Variants in LAMP1 observed in about 807,000 individuals in gnomAD.
LAMP1 encodes the protein lysosome-associated membrane glycoprotein 1.
Under a neutral mutation model 37.5 loss-of-function variants are expected in LAMP1, and 7 were observed. That is an observed-to-expected ratio of 0.19 (90% CI 0.11 to 0.35). LAMP1 has a LOEUF of 0.35. Among genes scored for constraint, LAMP1 ranks in the 10% least tolerant of loss-of-function variants. The pLI is 1.00. For synonymous variants in LAMP1, 236 were observed against 229.1 expected (o/e 1.03, Z -0.27); for missense variants, 537 against 552.8 (o/e 0.97, Z 0.29).
chr13:113,317,194 G>T, intron 4 of LAMP1, among the ~76,000 whole-genome samples: 1 of 152,158 alleles, frequency 6.6e-6, no homozygotes, highest in East Asian at 1.9e-4. Context: ...TGCTGGAGGA[G>T]GTGTGACAGT....
chr13:113,305,733 A>G (rs2042594948), intron 1 of LAMP1: 2 of 152,236 alleles, frequency 1.3e-5, no homozygotes, highest in Non-Finnish European at 2.9e-5. Flanking sequence ...AAAACTGACC[A>G]GACGTTAAGT....
chr13:113,316,027 C>T (rs1037302167), intron 4 of LAMP1, among the ~76,000 whole-genome samples: 40 of 152,114 alleles, frequency 2.6e-4, no homozygotes, highest in Admixed American at 1.4e-3. Flanking sequence ...TGCTTGAACC[C>T]GAGAGGTGGA....
rs1047538006 is a variant in LAMP1 at position 113,323,286 on chromosome 13, C to G, written c.*865C>G. ...TGATTTTTGGTCTTCTGTTGACATT[C>G]GGGGTGATCCTGTTCTGCGCTGTGT... On this transcript the variant is annotated 3_prime_UTR_variant, in exon 9 of 9. Transcript: ENST00000332556. The G allele has an allele frequency of 6.6e-6, 1 of 151,918 alleles. No individual in the cohort carries two copies. The highest frequency in any genetic ancestry group is 2.4e-5 in the African/African-American group (1 of 41,296). The allele number at this position is 151,918 out of a possible 1,614,324, so 9.4% of individuals were successfully genotyped here.
In LAMP1 at chr13:113,297,914, G is replaced by T. The variant is rs911627595; in HGVS notation, c.61+419G>T. 3.9e-5 allele frequency among the ~76,000 whole-genome samples: 6 copies of T among 152,168 alleles called. No homozygotes were observed. The South Asian group carries it at 6.2e-4, about 16-fold the overall frequency. On this transcript the variant is annotated intron_variant, in intron 1 of 8. Coordinates refer to ENST00000332556, the MANE Select transcript of LAMP1 (RefSeq NM_005561.4). This position sits in a 1 kb window ranked among gnomAD's most constrained non-coding sequence, Gnocchi z 4.4. ...AGGGACGTCTGTGGTCTCAGCTCCC[G>T]GGTGGGTGACCTAGATCAAGCTCTT... is the stretch of plus-strand genomic sequence containing the variant.
At position 113,321,011 on chromosome 13, in the gene LAMP1, T is replaced by C. The variant is rs1390431870; in HGVS notation, c.877-393T>C. The C allele has an allele frequency of 3.6e-6, 1 of 281,480 alleles. No homozygotes were observed. The highest frequency in any genetic ancestry group is 5.0e-5 in the Admixed American group (1 of 20,196). 17.4% of individuals were successfully genotyped at this position (281,480 alleles called of 1,614,324 possible). A position where few individuals can be genotyped will look rare whatever the true frequency, so the allele number is the denominator to read the frequency against. ...CCTGGGCAGCACAGGGAGGCTCCAT[T>C]TCTGCAAATAATAAAACGAGTTAGC... On this transcript the variant is annotated intron_variant, in intron 6 of 8. Coordinates refer to ENST00000332556, the MANE Select transcript of LAMP1 (RefSeq NM_005561.4). The surrounding 1 kb of genome is among the most constrained non-coding windows in gnomAD (Gnocchi z 5.6).
At chr13:113,310,658 CTAAG>C (rs1391740987) in intron 3 of LAMP1, 47 bp from the exon 4 acceptor site, 32 of 1,277,226 alleles carry the variant, frequency 2.5e-5, no homozygotes, top group African/African-American at 6.2e-5. Flanking sequence ...AACACATAAA[CTAAG>C]TACTGCAAGT....
intron 1 of LAMP1, chr13:113,304,863 G>C (rs2042590604): frequency 6.6e-6 from 1 of 152,034 alleles, no homozygotes; most frequent in Admixed American, 6.6e-5. Flanking sequence ...CACCATGTTG[G>C]GTAGGCTGGT....
intron 2 of LAMP1, among the ~76,000 whole-genome samples, chr13:113,307,664 G>C (rs1016789313): frequency 5.9e-5 from 9 of 152,106 alleles, no homozygotes; most frequent in Non-Finnish European, 7.4e-5. Flanking sequence ...TGCAAACACT[G>C]TACTAGTTTG....
intron 3 of LAMP1, 119 bp from the exon 4 acceptor site, chr13:113,310,590 T>C (rs1448107354): frequency 1.1e-6 from 1 of 920,148 alleles, no homozygotes; most frequent in Non-Finnish European, 1.6e-6. Context: ...GTGATTTTTT[T>C]TTTTTAATCT....
chr13:113,318,963 G>C (rs1279798973), intron 4 of LAMP1, among the ~76,000 whole-genome samples: 2 of 152,216 alleles, frequency 1.3e-5, no homozygotes, highest in Non-Finnish European at 2.9e-5. Context: ...CAGACCCTCT[G>C]TTTCCCTCTG....
Position 113,319,488 on chromosome 13 carries a change from C to T in LAMP1, c.582C>T (p.Asp194=). ...FSRGETRCEQ[D]RPSPTTAPPA... is the part of the protein sequence containing the mutation. Reference sequence around the variant, plus strand: ...CTGCAGAGACACGCTGTGAACAAGACAGGCCTTCCCCAACCACAGCGCCCC... The same window carrying T: ...CTGCAGAGACACGCTGTGAACAAGATAGGCCTTCCCCAACCACAGCGCCCC... Residue 194 remains aspartate, a synonymous_variant, in exon 5 of 9, where the codon GAC becomes GAT. Coordinates refer to ENST00000332556, the MANE Select transcript of LAMP1 (RefSeq NM_005561.4). 6.2e-7 allele frequency: 1 copy of T among 1,612,896 alleles called. No individual in the cohort carries two copies. Among genetic ancestry groups the T allele is most frequent in the Non-Finnish European group, 8.5e-7 (1 of 1,179,426 alleles).
intron 1 of LAMP1, among the ~76,000 whole-genome samples, chr13:113,298,513 T>C (rs1365817131): frequency 3.3e-5 from 5 of 151,874 alleles, no homozygotes; most frequent in Non-Finnish European, 5.9e-5. Context: ...TAAGTAGATA[T>C]AGAAATACAC....
In LAMP1 at chr13:113,297,483, TTGC is replaced by T. The variant is rs1289299540; in HGVS notation, c.57_59del (p.Leu20del). On this transcript the variant is annotated inframe_deletion, in exon 1 of 9. Coordinates refer to ENST00000332556, the MANE Select transcript of LAMP1 (RefSeq NM_005561.4). The surrounding 1 kb of genome is among the most constrained non-coding windows in gnomAD (Gnocchi z 4.4). Reference sequence around the variant, plus strand: ...GCGACCCCTGCTGCTGCTACTGCTGTTGCTGCTGCTCGGTGAGGGGGTCGAGGC... The same window carrying T: ...GCGACCCCTGCTGCTGCTACTGCTGTTGCTGCTCGGTGAGGGGGTCGAGGC... The T allele has an allele frequency of 4.2e-5, 53 of 1,253,442 alleles. No individual in the cohort carries two copies. Among genetic ancestry groups the T allele is most frequent in the Non-Finnish European group, 5.2e-5 (52 of 1,001,264 alleles). The allele number at this position is 1,253,442 out of a possible 1,614,324, so 77.6% of individuals were successfully genotyped here.
chr13:113,315,322 T>TC (rs1311190441), intron 4 of LAMP1, among the ~76,000 whole-genome samples: 1 of 151,130 alleles, frequency 6.6e-6, no homozygotes, highest in Non-Finnish European at 1.5e-5. Flanking sequence ...GGGCGCGGCG[T>TC]CCTGGAGGCT....
intron 1 of LAMP1, 97 bp from the exon 2 acceptor site, chr13:113,306,388 A>G (rs2042598440): frequency 3.1e-6 from 4 of 1,306,108 alleles, no homozygotes; most frequent in Non-Finnish European, 4.2e-6. Context: ...GAATCTTGTA[A>G]TAAAAGCCAT....
chr13:113,322,287 G>A lies in LAMP1; in HGVS notation c.1120G>A (p.Glu374Lys). 6.2e-7 allele frequency: 1 copy of A among 1,612,080 alleles called. No individual in the cohort carries two copies. Among genetic ancestry groups the A allele is most frequent in the Non-Finnish European group, 8.5e-7 (1 of 1,179,240 alleles). ...VEGGQFGSVE[E>K]CLLDENSMLI... ...CCATCCGTCTGTCTTGGCAGTGGAG[G>A]AGTGTCTGCTGGACGAGAACAGCAT... The change falls in exon 9 of 9, where the codon GAG (glutamate) becomes AAG (lysine). Residue 374 changes from glutamate (E) to lysine (K), a missense_variant. Physicochemically the swap from Glu to Lys is moderately conservative, Grantham distance 56. Coordinates refer to ENST00000332556, the MANE Select transcript of LAMP1 (RefSeq NM_005561.4).
rs376013627 is a variant in LAMP1 at position 113,321,654 on chromosome 13, G to C, written c.1041G>C (p.Thr347=). The change falls in exon 8 of 9, where the codon ACG becomes ACC. Residue 347 remains threonine (T), a synonymous_variant. Transcript: ENST00000332556. The surrounding 1 kb of genome is among the most constrained non-coding windows in gnomAD (Gnocchi z 5.6). ...ACGCGGAGGAGCACGTCCGTGTCAC[G>C]AAGGCGTTTTCAGTCAATATATTCA... ...KCNAEEHVRV[T]KAFSVNIFKV... The C allele has an allele frequency of 6.2e-7, 1 of 1,614,248 alleles. No individual in the cohort carries two copies. Among genetic ancestry groups the C allele is most frequent in the Non-Finnish European group, 8.5e-7 (1 of 1,180,044 alleles).
chr13:113,309,760 A>G lies in LAMP1; in HGVS notation c.301A>G (p.Thr101Ala). The change falls in exon 3 of 9, where the codon ACT becomes GCT. Residue 101 changes from threonine (T) to alanine (A), a missense_variant. By Grantham distance (58) the Thr-to-Ala change is moderately conservative. Transcript: ENST00000332556. ...VIAFGRGHTL[T>A]LNFTRNATRY... The stretch of plus-strand genomic sequence containing the variant: ...TGCTTTTGGAAGAGGACATACACTC[A>G]CTCTCAATTTCACGAGAAATGCAAC... 6.2e-7 allele frequency: 1 copy of G among 1,614,078 alleles called. No individual in the cohort carries two copies. Among genetic ancestry groups the G allele is most frequent in the Non-Finnish European group, 8.5e-7 (1 of 1,179,978 alleles).
intron 1 of LAMP1, among the ~76,000 whole-genome samples, chr13:113,301,491 C>T (rs1038622235): frequency 3.3e-5 from 5 of 151,450 alleles, no homozygotes; most frequent in East Asian, 1.9e-4. Context: ...GGCATGGTGG[C>T]GTACCCCTGT....
Sources: allele counts gnomAD v4.1 joint callset (sites outside exome capture counted in the v4.1 genomes callset), GRCh38; gene constraint gnomAD v4.1.1; non-coding constraint Gnocchi (gnomAD v3.1); transcripts MANE v1.5; gene names NCBI Gene and HGNC (gene_info 2026-07-23, HGNC 2026-07-21).